Variants in SATL1 observed in about 807,000 individuals in gnomAD.
The protein encoded by SATL1 is spermidine/spermine N1-acetyl transferase like 1.
A neutral mutation model predicts 51.8 loss-of-function variants in SATL1; 47 were observed. That is an observed-to-expected ratio of 0.91 (90% CI 0.72 to 1.16). The LOEUF (loss-of-function observed/expected upper bound fraction) is 1.16, where lower values mean the gene tolerates loss of function less well. SATL1 is among the 50% of genes most tolerant of loss of function. The pLI is 0.00. For synonymous variants in SATL1, 176 were observed against 182.4 expected (o/e 0.97, Z 0.28); for missense variants, 520 against 526.4 (o/e 0.99, Z 0.12).
At chrX:85,239,056 C>A (rs754493624) in intron 1 of SATL1, among the ~76,000 whole-genome samples, 8 of 110,043 alleles carry the variant, frequency 7.3e-5, no homozygotes, top group Non-Finnish European at 1.3e-4. Flanking sequence ...CTGCATTGTA[C>A]AACTAAATAT....
intron 2 of SATL1, among the ~76,000 whole-genome samples, chrX:85,165,548 T>C (rs996713451): frequency 9.0e-6 from 1 of 111,315 alleles, no homozygotes; most frequent in African/African-American, 3.3e-5. Context: ...TATCTGGCAA[T>C]TTAGAGATTT....
intron 1 of SATL1, among the ~76,000 whole-genome samples, chrX:85,227,509 T>C (rs888626592): frequency 1.1e-4 from 12 of 112,030 alleles, no homozygotes; most frequent in African/African-American, 3.9e-4. Context: ...TGCCTCTTGA[T>C]AGAAGTATAC....
intron 2 of SATL1, among the ~76,000 whole-genome samples, chrX:85,145,457 AT>A (rs1006214577): frequency 2.7e-5 from 3 of 111,847 alleles, no homozygotes; most frequent in Admixed American, 9.5e-5. Context: ...ATAATAGGCC[AT>A]TTTTTTGTGA....
intron 2 of SATL1, among the ~76,000 whole-genome samples, chrX:85,200,759 T>A (rs367847096): frequency 1.8e-5 from 2 of 111,047 alleles, no homozygotes; most frequent in East Asian, 2.8e-4. Flanking sequence ...TATAAAAAAG[T>A]TTTTTTTAAA....
chrX:85,157,391 T>C (rs1345724460), intron 2 of SATL1, among the ~76,000 whole-genome samples: 1 of 111,638 alleles, frequency 9.0e-6, no homozygotes. Flanking sequence ...AATATCCTAC[T>C]ATGAATATTG....
In SATL1 at chrX:85,133,181, G is replaced by A. The variant is rs371711890; in HGVS notation, c.-312-23901C>T. Among the ~76,000 whole-genome samples the A allele has an allele frequency of 1.2e-4, 14 of 112,371 alleles. No homozygotes were observed. The East Asian group carries it at 2.0e-3, about 16-fold the overall frequency. On this transcript the variant is annotated intron_variant, in intron 2 of 7. Coordinates refer to ENST00000644105, the MANE Select transcript of SATL1 (RefSeq NM_001367857.2). ...AACACCATGCTGGGAGAACCACTAC[G>A]CTCTTCAGAGCTGTCAGACAGGACA...
intron 1 of SATL1, among the ~76,000 whole-genome samples, chrX:85,237,181 T>C (rs914726152): frequency 1.7e-4 from 19 of 110,466 alleles, no homozygotes; most frequent in Admixed American, 1.6e-3. Flanking sequence ...CTTGTTAGGA[T>C]TGCTACAAGC....
intron 2 of SATL1, among the ~76,000 whole-genome samples, chrX:85,135,583 T>C (rs764760075): frequency 9.3e-6 from 1 of 107,726 alleles, no homozygotes; most frequent in African/African-American, 3.4e-5. Flanking sequence ...CTTGTGTGTG[T>C]GTGTGTGAGA....
intron 2 of SATL1, among the ~76,000 whole-genome samples, chrX:85,157,144 A>G (rs1926618183): frequency 9.1e-6 from 1 of 109,340 alleles, no homozygotes; most frequent in Admixed American, 9.9e-5. Flanking sequence ...TGATCTCTAT[A>G]TTTAAGGAAG....
At chrX:85,166,079 GA>G (rs1926827738) in intron 2 of SATL1, among the ~76,000 whole-genome samples, 1 of 111,515 alleles carries the variant, frequency 9.0e-6, no homozygotes, top group African/African-American at 3.3e-5. Context: ...GCCACATGTA[GA>G]AAAATGAAAC....
At chrX:85,153,122 A>C (rs1259627159) in intron 2 of SATL1, among the ~76,000 whole-genome samples, 1 of 111,212 alleles carries the variant, frequency 9.0e-6, no homozygotes, top group Non-Finnish European at 1.9e-5. Flanking sequence ...CTAGAAGTTC[A>C]TATATGAGTC....
rs372089621 is a variant in SATL1, at chrX:85,193,591, A to T, written c.-313+30614T>A. Among the ~76,000 whole-genome samples the T allele has an allele frequency of 2.3e-4, 26 of 111,458 alleles. 2 individuals are homozygous for T. The East Asian group carries it at 3.7e-3, about 16-fold the overall frequency. ...CATAGGTGAACTTGTGTCATGATGGATTGTTGTACAGATTATTTCATCACT... is the reference window on the plus strand; with the variant it reads ...CATAGGTGAACTTGTGTCATGATGGTTTGTTGTACAGATTATTTCATCACT... On this transcript the variant is annotated intron_variant, in intron 2 of 7. Coordinates refer to ENST00000644105, the MANE Select transcript of SATL1 (RefSeq NM_001367857.2).
At chrX:85,228,706 G>A (rs942917309) in intron 1 of SATL1, among the ~76,000 whole-genome samples, 2 of 111,063 alleles carry the variant, frequency 1.8e-5, no homozygotes, top group Non-Finnish European at 3.8e-5. Flanking sequence ...ACTTCTTTAG[G>A]CTTCCAAAAC....
At chrX:85,160,531 C>T (rs1329267666) in intron 2 of SATL1, among the ~76,000 whole-genome samples, 2 of 110,176 alleles carry the variant, frequency 1.8e-5, no homozygotes, top group Non-Finnish European at 3.8e-5. Flanking sequence ...ACAAGAATGT[C>T]ATAATGCAAT....
chrX:85,094,878 T>C (rs1175152355), intron 5 of SATL1, 38 bp downstream of exon 5: 2 of 850,349 alleles, frequency 2.4e-6, no homozygotes, highest in African/African-American at 4.0e-5. Context: ...GGAAAAAATA[T>C]ACTCCAGATT....
chrX:85,168,354 G>A (rs953267985), intron 2 of SATL1, among the ~76,000 whole-genome samples: 3 of 111,385 alleles, frequency 2.7e-5, no homozygotes, highest in African/African-American at 6.5e-5. Flanking sequence ...GTTTGCACAC[G>A]ACATGATCCT....
intron 2 of SATL1, among the ~76,000 whole-genome samples, chrX:85,121,503 A>G (rs1324154706): frequency 3.8e-5 from 4 of 104,173 alleles, no homozygotes; most frequent in Non-Finnish European, 7.8e-5. Flanking sequence ...AGTATATAGT[A>G]TATATACTAA....
At chrX:85,208,483 T>C (rs953975007) in intron 2 of SATL1, among the ~76,000 whole-genome samples, 1 of 111,739 alleles carries the variant, frequency 8.9e-6, no homozygotes, top group Non-Finnish European at 1.9e-5. Flanking sequence ...CACACTGTCT[T>C]CCACAATGGT....
chrX:85,183,185 T>A (rs1233086291), intron 2 of SATL1, among the ~76,000 whole-genome samples: 3 of 111,444 alleles, frequency 2.7e-5, no homozygotes, highest in Non-Finnish European at 5.7e-5. Flanking sequence ...CTTATTTTTT[T>A]AACTAGTATT....
Sources: allele counts gnomAD v4.1 joint callset (sites outside exome capture counted in the v4.1 genomes callset), GRCh38; gene constraint gnomAD v4.1.1; transcripts MANE v1.5; gene names NCBI Gene and HGNC (gene_info 2026-07-23, HGNC 2026-07-21).